CDC73: variants seen among roughly 807,000 people sequenced by gnomAD.
CDC73 encodes parafibromin.
CDC73 carries 21 observed loss-of-function variants against 83.7 expected under a neutral mutation model. That is an observed-to-expected ratio of 0.25 (90% CI 0.18 to 0.36). CDC73 has a LOEUF of 0.36. CDC73 is among the 10% of genes least tolerant of loss of function. CDC73 has a pLI of 1.00. For synonymous variants in CDC73, 224 were observed against 212.9 expected (o/e 1.05, Z -0.45); for missense variants, 342 against 653.3 (o/e 0.52, Z 5.19).
At chr1:193,198,086 A>G (rs2103173185) in intron 10 of CDC73, among the ~76,000 whole-genome samples, 1 of 152,316 alleles carries the variant, frequency 6.6e-6, no homozygotes, top group East Asian at 1.9e-4. Context: ...AGGCAAATAT[A>G]TTTGTTTTAA....
intron 10 of CDC73, chr1:193,181,782 T>C (rs889918572): frequency 4.6e-6 from 2 of 431,578 alleles, no homozygotes. Context: ...TGTGAAAATA[T>C]AACCCAGGAA....
chr1:193,229,291 G>A (rs539774442), intron 13 of CDC73, among the ~76,000 whole-genome samples: 10 of 152,294 alleles, frequency 6.6e-5, no homozygotes, highest in African/African-American at 2.2e-4. Context: ...TTACTTGTAC[G>A]AACCCAGACC....
At chr1:193,187,620 G>C (rs1676841540) in intron 10 of CDC73, among the ~76,000 whole-genome samples, 1 of 152,072 alleles carries the variant, frequency 6.6e-6, no homozygotes, top group Admixed American at 6.5e-5. Flanking sequence ...GAAAGTTATA[G>C]TTTTGGAGCT....
intron 10 of CDC73, 29 bp from the exon 11 acceptor site, chr1:193,203,766 C>T: frequency 6.4e-7 from 1 of 1,552,538 alleles, no homozygotes; most frequent in African/African-American, 1.4e-5. Context: ...AAACTTTGAT[C>T]TTATATATCA....
intron 1 of CDC73, among the ~76,000 whole-genome samples, chr1:193,124,188 ATTGTTTTT>A (rs1293341124): frequency 2.6e-5 from 4 of 152,242 alleles, no homozygotes; most frequent in Non-Finnish European, 4.4e-5. Flanking sequence ...ACACCAAGAA[ATTGTTTTT>A]ATTTTCTATA....
chr1:193,167,469 A>C (rs1424562660), intron 10 of CDC73, among the ~76,000 whole-genome samples: 22 of 152,088 alleles, frequency 1.4e-4, no homozygotes, highest in Admixed American at 1.4e-3. Flanking sequence ...TTGACAATTG[A>C]TGTTGCTACA....
chr1:193,212,303 A>T, intron 12 of CDC73, 87 bp from the exon 13 acceptor site: 1 of 948,016 alleles, frequency 1.1e-6, no homozygotes, highest in Non-Finnish European at 1.6e-6. Flanking sequence ...AGTTAAAGTT[A>T]CAATTTATAA....
intron 10 of CDC73, among the ~76,000 whole-genome samples, chr1:193,155,587 G>C (rs533520805): frequency 6.6e-6 from 1 of 152,112 alleles, no homozygotes; most frequent in Admixed American, 6.5e-5. Flanking sequence ...AGACCAGCTC[G>C]GTTAACATGG....
At chr1:193,129,730 CTTTA>C (rs763810676) in intron 2 of CDC73, among the ~76,000 whole-genome samples, 2 of 152,022 alleles carry the variant, frequency 1.3e-5, no homozygotes, top group Non-Finnish European at 2.9e-5. Flanking sequence ...CCAGGCTGGT[CTTTA>C]ACTCCTGACC....
chr1:193,124,970 A>T (rs1558277691), intron 1 of CDC73, 142 bp from the exon 2 acceptor site: 4 of 670,222 alleles, frequency 6.0e-6, no homozygotes, highest in African/African-American at 5.4e-5. Flanking sequence ...ATGACAGTCT[A>T]TTCATTATTA....
chr1:193,198,837 A>G (rs1677043477), intron 10 of CDC73, among the ~76,000 whole-genome samples: 1 of 152,152 alleles, frequency 6.6e-6, no homozygotes, highest in African/African-American at 2.4e-5. Context: ...TGGGCAAGTA[A>G]CTGGTTTTTG....
At chr1:193,188,349 CTG>C (rs1558304387) in intron 10 of CDC73, among the ~76,000 whole-genome samples, 1 of 151,948 alleles carries the variant, frequency 6.6e-6, no homozygotes, top group African/African-American at 2.4e-5. Context: ...TTCTTATCCT[CTG>C]TGTTTTTGTT....
At chr1:193,205,966 T>C (rs1677182338) in intron 11 of CDC73, among the ~76,000 whole-genome samples, 1 of 152,078 alleles carries the variant, frequency 6.6e-6, no homozygotes, top group Admixed American at 6.6e-5. Context: ...ATGTCAGAAA[T>C]GGTATTATAT....
Position 193,122,151 on chromosome 1 carries a change from C to G in CDC73, c.-50C>G, listed in dbSNP as rs746053637. 1 of 1,586,410 alleles carries G rather than the reference C, an allele frequency of 6.3e-7. No homozygotes were observed. The highest frequency in any genetic ancestry group is 8.7e-7 in the Non-Finnish European group (1 of 1,155,978). On this transcript the variant is annotated 5_prime_UTR_variant, in exon 1 of 17. Coordinates refer to ENST00000367435, the MANE Select transcript of CDC73 (RefSeq NM_024529.5). ...GGCGACAAGAGAAGAAGGAGGCAGG[C>G]GCGGCGGCAGCGGCGGCGCCCCGAG...
chr1:193,169,390 C>A (rs1249635719), intron 10 of CDC73, among the ~76,000 whole-genome samples: 1 of 152,016 alleles, frequency 6.6e-6, no homozygotes, highest in Non-Finnish European at 1.5e-5. Context: ...ACTAAAAATA[C>A]AAAAATTAGC....
intron 10 of CDC73, among the ~76,000 whole-genome samples, chr1:193,187,501 TTTC>T (rs976423332): frequency 6.6e-6 from 1 of 152,200 alleles, no homozygotes; most frequent in Non-Finnish European, 1.5e-5. Flanking sequence ...GGCACCTTCT[TTTC>T]TTACTGCAGA....
intron 6 of CDC73, 78 bp downstream of exon 6, chr1:193,138,251 C>T (rs561009976): frequency 2.3e-4 from 224 of 964,362 alleles, no homozygotes; most frequent in African/African-American, 1.3e-3. Context: ...TTAAAATGCT[C>T]TCCACATTTA....
At chr1:193,228,407 A>G (rs1343644755) in intron 13 of CDC73, among the ~76,000 whole-genome samples, 1 of 152,204 alleles carries the variant, frequency 6.6e-6, no homozygotes, top group African/African-American at 2.4e-5. Context: ...AGGAACAAAG[A>G]GAGAGGACTC....
chr1:193,189,297 G>A (rs917557239), intron 10 of CDC73, among the ~76,000 whole-genome samples: 3 of 152,108 alleles, frequency 2.0e-5, no homozygotes, highest in Non-Finnish European at 2.9e-5. Flanking sequence ...AGAACTTTAC[G>A]TAAAGTTCAG....
Sources: gnomAD v4.1 joint callset for allele counts (sites outside exome capture counted in the v4.1 genomes callset) on GRCh38, gnomAD v4.1.1 for gene constraint, MANE v1.5 for transcripts, NCBI Gene and HGNC (gene_info 2026-07-23, HGNC 2026-07-21) for gene names.